CFAP45: variants seen among roughly 807,000 people sequenced by gnomAD.
CFAP45 encodes cilia and flagella associated protein 45, also known as cilia- and flagella-associated protein 45.
CFAP45 carries 43 observed loss-of-function variants against 75.6 expected under a neutral mutation model. The ratio of observed to expected loss-of-function variants is 0.57; its 90% CI spans 0.45 to 0.73. CFAP45 has a LOEUF of 0.73. Ranked by LOEUF, CFAP45 falls within the 30% of genes least tolerant of loss-of-function variation. The probability of loss-of-function intolerance (pLI) is 0.00; values close to 1 mark genes in which losing one functional copy is unlikely to be tolerated. For synonymous variants in CFAP45, 223 were observed against 244.6 expected (o/e 0.91, Z 0.82); for missense variants, 689 against 701.5 (o/e 0.98, Z 0.20).
At position 159,886,555 on chromosome 1, in the gene CFAP45, T is replaced by A. The variant is rs763229713; in HGVS notation, c.723A>T (p.Gln241His). Reference protein sequence around the residue: ...MMEVERQKSIQRQEELERKRR... With the variant: ...MMEVERQKSIHRQEELERKRR... Reference sequence around the variant, plus strand: ...TCTTCCTCTCCAGTTCCTCCTGCCTTTGAATGGATTTCTGCCGCTCCACTT... The same window carrying A: ...TCTTCCTCTCCAGTTCCTCCTGCCTATGAATGGATTTCTGCCGCTCCACTT... The change falls in exon 6 of 12, where the codon CAA becomes CAT. Residue 241 changes from glutamine to histidine, a missense_variant. Transcript: ENST00000368099. The A allele has an allele frequency of 6.2e-7, 1 of 1,614,158 alleles. No individual in the cohort carries two copies. Among genetic ancestry groups the A allele is most frequent in the South Asian group, 1.1e-5 (1 of 91,080 alleles).
In CFAP45 at chr1:159,890,499, C is replaced by G. The variant is rs1324458767; in HGVS notation, c.253G>C (p.Asp85His). The change falls in exon 3 of 12, where the codon GAC (aspartate) becomes CAC (histidine). Residue 85 changes from aspartate (D) to histidine (H), a missense_variant. Physicochemically the swap from Asp to His is moderately conservative, Grantham distance 81. Coordinates refer to ENST00000368099, the MANE Select transcript of CFAP45 (RefSeq NM_012337.3). ...ACTCACATGAGTTCTCGGACCATGT[C>G]CCGGGTGATGAGCTGGATGGTCTCT... is the stretch of plus-strand genomic sequence containing the variant. ...KPETIQLITR[D>H]MVRELIVPTE... is the part of the protein sequence containing the mutation. 1 of 1,613,996 alleles carries G rather than the reference C, an allele frequency of 6.2e-7. No homozygotes were observed. The highest frequency in any genetic ancestry group is 1.7e-5 in the Admixed American group (1 of 60,002).
At chr1:159,878,646 G>A (rs140110731) in intron 8 of CFAP45, among the ~76,000 whole-genome samples, 3,017 of 150,678 alleles carry the variant, frequency 0.02, 92 homozygotes, top group African/African-American at 0.07. Context: ...CCAGCTACTC[G>A]GGAGGCTGAG....
intron 1 of CFAP45, among the ~76,000 whole-genome samples, chr1:159,899,462 CTTTTTT>C (rs57828010): frequency 1.7e-5 from 1 of 60,552 alleles, no homozygotes; most frequent in Non-Finnish European, 3.0e-5. Context: ...CTCACCAGTG[CTTTTTT>C]TTTTTTTTTT....
intron 3 of CFAP45, among the ~76,000 whole-genome samples, chr1:159,889,668 C>T (rs962167669): frequency 6.6e-6 from 1 of 152,186 alleles, no homozygotes; most frequent in African/African-American, 2.4e-5. Flanking sequence ...CCAGGAGTGG[C>T]TGCAGGGCTC....
At chr1:159,899,827 T>G (rs1280380762) in intron 1 of CFAP45, among the ~76,000 whole-genome samples, 1 of 152,160 alleles carries the variant, frequency 6.6e-6, no homozygotes, top group South Asian at 2.1e-4. Context: ...CCCGCTGTAA[T>G]GGCAACGGGG....
chr1:159,888,091 G>A, intron 4 of CFAP45, 80 bp from the exon 5 acceptor site: 6 of 1,483,170 alleles, frequency 4.0e-6, no homozygotes, highest in Non-Finnish European at 4.6e-6. Flanking sequence ...TACCACAGGT[G>A]ACCCAGTACA....
chr1:159,898,066 C>G, intron 1 of CFAP45: 1 of 975,340 alleles, frequency 1.0e-6, no homozygotes, highest in Non-Finnish European at 1.2e-6. Context: ...GATGTCTTAC[C>G]CATTCTGAGA....
intron 7 of CFAP45, among the ~76,000 whole-genome samples, chr1:159,883,032 G>A (rs6682796): frequency 0.58 from 88,690 of 152,020 alleles, 27,601 homozygotes; most frequent in East Asian, 0.77. Flanking sequence ...TGATGAGAAG[G>A]CTTCATAATT....
chr1:159,886,252 A>G (rs1481078636), intron 6 of CFAP45, among the ~76,000 whole-genome samples: 1 of 152,084 alleles, frequency 6.6e-6, no homozygotes, highest in African/African-American at 2.4e-5. Context: ...AAGCAGGAGA[A>G]TCGCTTGAAC....
intron 10 of CFAP45, 60 bp from the exon 11 acceptor site, chr1:159,873,228 T>G: frequency 6.7e-7 from 1 of 1,488,402 alleles, no homozygotes; most frequent in South Asian, 1.1e-5. Context: ...CCAGGAAAGG[T>G]GGTGGGGGAG....
intron 6 of CFAP45, among the ~76,000 whole-genome samples, chr1:159,886,254 C>T (rs888609662): frequency 3.3e-5 from 5 of 151,824 alleles, no homozygotes; most frequent in Non-Finnish European, 7.4e-5. Context: ...GCAGGAGAAT[C>T]GCTTGAACCC....
intron 1 of CFAP45, among the ~76,000 whole-genome samples, chr1:159,897,705 A>G (rs1017338129): frequency 1.3e-5 from 2 of 152,210 alleles, no homozygotes; most frequent in Non-Finnish European, 2.9e-5. Flanking sequence ...AACCTTTACC[A>G]TCTTAAGATG....
At chr1:159,899,768 A>G (rs1418478599) in intron 1 of CFAP45, among the ~76,000 whole-genome samples, 2 of 151,676 alleles carry the variant, frequency 1.3e-5, no homozygotes, top group Non-Finnish European at 2.9e-5. Context: ...CGCCCGGCCC[A>G]CCAGTGCTTT....
At position 159,884,432 on chromosome 1, in the gene CFAP45, T is replaced by A; in HGVS notation, c.897+4A>T. 1 of 1,605,732 alleles carries A rather than the reference T, an allele frequency of 6.2e-7. No individual in the cohort carries two copies. Among genetic ancestry groups the A allele is most frequent in the Non-Finnish European group, 8.5e-7 (1 of 1,175,690 alleles). On this transcript the variant is annotated splice_donor_region_variant and intron_variant, in intron 7 of 11. Transcript: ENST00000368099. The stretch of plus-strand genomic sequence containing the variant: ...AACGTGGCATTGTCTGTCTGGCCTG[T>A]TACCTTTAGATCTTCCTCTTGGAGC...
intron 7 of CFAP45, among the ~76,000 whole-genome samples, chr1:159,882,025 C>G (rs1405769257): frequency 6.6e-6 from 1 of 152,232 alleles, no homozygotes; most frequent in Non-Finnish European, 1.5e-5. Context: ...TGTGTGTCTT[C>G]CTGTAGTGCT....
chr1:159,897,066 C>A lies in CFAP45; in HGVS notation c.3+3030G>T, dbSNP rs374137897. Among the ~76,000 whole-genome samples, 7 of 151,976 alleles carry A rather than the reference C, an allele frequency of 4.6e-5. No homozygotes were observed. In the East Asian group the frequency reaches 9.7e-4, roughly 21 times the overall value. ...ATCCATCGAACTCAGGAGTTCAAGA[C>A]CAGCCTGGGCAACATGGCAAAACCC... On this transcript the variant is annotated intron_variant, in intron 1 of 11. Transcript: ENST00000368099.
At chr1:159,886,726 G>A in intron 5 of CFAP45, 37 bp from the exon 6 acceptor site, 1 of 1,571,866 alleles carries the variant, frequency 6.4e-7, no homozygotes, top group Non-Finnish European at 8.8e-7. Flanking sequence ...ACTAGGCCTA[G>A]GGATGTGTAA....
At chr1:159,895,176 T>C (rs1649926186) in intron 1 of CFAP45, among the ~76,000 whole-genome samples, 1 of 152,034 alleles carries the variant, frequency 6.6e-6, no homozygotes, top group South Asian at 2.1e-4. Flanking sequence ...AGTAGACGTC[T>C]ATCTCTAAAA....
In CFAP45 at chr1:159,872,567, C is replaced by T; in HGVS notation, c.1578-4G>A. ...CTTCTCGGGAAGGCCAGTGGCTCTG[C>T]CGGGGAAACGCAGGCAGGTATAAGG... On this transcript the variant is annotated splice_polypyrimidine_tract_variant and splice_region_variant and intron_variant, in intron 11 of 11. Transcript: ENST00000368099. 1 of 1,613,642 alleles carries T rather than the reference C, an allele frequency of 6.2e-7. No homozygotes were observed. Among genetic ancestry groups the T allele is most frequent in the Non-Finnish European group, 8.5e-7 (1 of 1,179,570 alleles).
Sources: allele counts gnomAD v4.1 joint callset (sites outside exome capture counted in the v4.1 genomes callset), GRCh38; gene constraint gnomAD v4.1.1; transcripts MANE v1.5; gene names NCBI Gene and HGNC (gene_info 2026-07-23, HGNC 2026-07-21).